The following PCDHA1 variants were observed in gnomAD, a reference collection of about 807,000 sequenced individuals.
PCDHA1 encodes the protein protocadherin alpha 1, also known as protocadherin alpha-1.
Under a neutral mutation model 61.3 loss-of-function variants are expected in PCDHA1, and 42 were observed. The observed-to-expected ratio is 0.69, with a 90% CI of 0.54 to 0.89. The LOEUF (loss-of-function observed/expected upper bound fraction) is 0.89, where lower values mean the gene tolerates loss of function less well. PCDHA1 is among the 40% of genes least tolerant of loss of function. The pLI, the probability that PCDHA1 is intolerant of heterozygous loss-of-function variation, is 0.00. For synonymous variants in PCDHA1, 610 were observed against 553.8 expected (o/e 1.10, Z -1.43); for missense variants, 1,256 against 1,235.3 (o/e 1.02, Z -0.25).
At chr5:140,828,383 C>A in intron 1 of PCDHA1, 1 of 1,614,256 alleles carries the variant, frequency 6.2e-7, no homozygotes, top group South Asian at 1.1e-5. Context: ...GCTGTGCGGG[C>A]GGAGCGCGGA....
intron 1 of PCDHA1, among the ~76,000 whole-genome samples, chr5:140,914,270 ATATATT>A (rs1554196274): frequency 6.6e-6 from 1 of 152,146 alleles, no homozygotes; most frequent in Non-Finnish European, 1.5e-5. Context: ...GTGGGTGCAT[ATATATT>A]TATAATTGTT....
intron 1 of PCDHA1, among the ~76,000 whole-genome samples, chr5:140,820,358 G>C (rs1243273378): frequency 2.0e-5 from 3 of 151,858 alleles, no homozygotes; most frequent in Non-Finnish European, 2.9e-5. Flanking sequence ...AATTTCCTCT[G>C]ACTTTGCATT....
intron 1 of PCDHA1, among the ~76,000 whole-genome samples, chr5:140,907,687 G>A (rs1554193091): frequency 6.6e-6 from 1 of 152,220 alleles, no homozygotes; most frequent in East Asian, 1.9e-4. Context: ...GCCTTGGTGA[G>A]TGGAAGTCCC....
At chr5:140,836,021 C>G in intron 1 of PCDHA1, 3 of 1,613,388 alleles carry the variant, frequency 1.9e-6, no homozygotes, top group Non-Finnish European at 2.5e-6. Flanking sequence ...CGCCTCTGGG[C>G]AGCAACGTGA....
intron 1 of PCDHA1, chr5:140,851,096 T>A (rs2041958887): frequency 7.7e-7 from 1 of 1,292,466 alleles, no homozygotes; most frequent in Non-Finnish European, 1.0e-6. Context: ...AAATAGATAT[T>A]TTTTGGGTGC....
At position 140,808,864 on chromosome 5, in the gene PCDHA1, C is replaced by T. The variant is rs1764284394; in HGVS notation, c.2394+20180C>T. The T allele has an allele frequency of 4.3e-6, 7 of 1,613,020 alleles. No individual in the cohort carries two copies. The East Asian group carries it at 1.1e-4, about 26-fold the overall frequency. On this transcript the variant is annotated intron_variant, in intron 1 of 3. Coordinates refer to ENST00000504120, the MANE Select transcript of PCDHA1 (RefSeq NM_018900.4). ...TGCAGGTGTTCGTGCTGGACGAAAA[C>T]GACAACGCGCCAGCACTGCTAGCGC...
intron 1 of PCDHA1, among the ~76,000 whole-genome samples, chr5:140,942,493 C>T (rs1334279065): frequency 1.3e-5 from 2 of 151,366 alleles, no homozygotes; most frequent in Non-Finnish European, 2.9e-5. Context: ...GAAATAAATA[C>T]ATGGTATCTA....
chr5:140,968,782 C>T (rs1256152245), intron 1 of PCDHA1: 43 of 1,614,072 alleles, frequency 2.7e-5, no homozygotes, highest in African/African-American at 8.0e-5. Flanking sequence ...CACTATCAGC[C>T]TCTGTGGCCA....
At chr5:140,979,384 G>A (rs1243693033) in intron 2 of PCDHA1, among the ~76,000 whole-genome samples, 3 of 151,896 alleles carry the variant, frequency 2.0e-5, no homozygotes, top group African/African-American at 7.3e-5. Context: ...ATTGTGCAAT[G>A]TATACATACA....
rs1554150153 is a variant in PCDHA1 at position 140,857,511 on chromosome 5, T to C, written c.2394+68827T>C. 5 of 1,598,148 alleles carry C rather than the reference T, an allele frequency of 3.1e-6. No homozygotes were observed. In the South Asian group the frequency reaches 5.5e-5, roughly 18 times the overall value. On this transcript the variant is annotated intron_variant, in intron 1 of 3. Transcript: ENST00000504120. ...GACGCGGACGCGCAGGAGAACGCCC[T>C]GGTGTCCTACTCTCTGGTGGAGCGG...
chr5:140,788,637 T>G lies in PCDHA1; in HGVS notation c.2347T>G (p.Ser783Ala), dbSNP rs138990368. 1.9e-6 allele frequency: 3 copies of G among 1,603,394 alleles called. No individual in the cohort carries two copies. Among genetic ancestry groups the G allele is most frequent in the Non-Finnish European group, 2.6e-6 (3 of 1,174,630 alleles). Residue 783 changes from serine (S) to alanine (A), a missense_variant, in exon 1 of 4, where the codon TCA becomes GCA. Transcript: ENST00000504120. The stretch of plus-strand genomic sequence containing the variant: ...AGGCCTATCTCCAAGTCTTAACACG[T>G]CAGAAAGAAATGAACAACCAGAAGC... ...SPGLSPSLNTSERNEQPEANL... is the reference protein window; with the variant it reads ...SPGLSPSLNTAERNEQPEANL...
chr5:141,008,375 C>T (rs77600037), intron 3 of PCDHA1, among the ~76,000 whole-genome samples: 2,306 of 152,234 alleles, frequency 0.015, 24 homozygotes, highest in Middle Eastern at 0.031. Flanking sequence ...GTGTTAGATA[C>T]ATAAACATTG....
chr5:140,968,935 C>T, intron 1 of PCDHA1: 1 of 1,614,172 alleles, frequency 6.2e-7, no homozygotes, highest in Non-Finnish European at 8.5e-7. Context: ...TTTTGACAAT[C>T]ATCATTTTGA....
chr5:140,848,807 C>G, intron 1 of PCDHA1: 1 of 1,591,972 alleles, frequency 6.3e-7, no homozygotes, highest in East Asian at 2.2e-5. Context: ...AGTGCAGCAT[C>G]CACCTGGAGG....
At chr5:140,815,500 G>A (rs1554126799) in intron 1 of PCDHA1, 1 of 150,994 alleles carries the variant, frequency 6.6e-6, no homozygotes, top group African/African-American at 2.4e-5. Flanking sequence ...TTATGTTATT[G>A]ATGTCATAAA....
intron 1 of PCDHA1, chr5:140,807,290 G>T (rs1763880009): frequency 1.2e-6 from 2 of 1,614,210 alleles, no homozygotes. Flanking sequence ...CCACTACTCG[G>T]TCTCCGAGGA....
chr5:140,924,905 AT>A (rs1216976019), intron 1 of PCDHA1, among the ~76,000 whole-genome samples: 1,708 of 55,768 alleles, frequency 0.031, 41 homozygotes, highest in African/African-American at 0.13. Flanking sequence ...AAAAAAAAAA[AT>A]AAAATAAAAT....
At chr5:140,881,392 A>G (rs2058698624) in intron 1 of PCDHA1, 2 of 979,256 alleles carry the variant, frequency 2.0e-6, no homozygotes. Context: ...CGGTAAGTTA[A>G]ATTCTATTAA....
chr5:140,992,017 C>CTGTG (rs10602499), intron 3 of PCDHA1, among the ~76,000 whole-genome samples: 5,022 of 145,578 alleles, frequency 0.034, 175 homozygotes, highest in African/African-American at 0.093. Context: ...AGAGGTGGCT[C>CTGTG]TGTGTGTGTG....
Sources: allele counts gnomAD v4.1 joint callset (sites outside exome capture counted in the v4.1 genomes callset), GRCh38; gene constraint gnomAD v4.1.1; transcripts MANE v1.5; gene names NCBI Gene and HGNC (gene_info 2026-07-23, HGNC 2026-07-21).